PDE4DIP: variants seen among roughly 807,000 people sequenced by gnomAD.
The protein encoded by PDE4DIP is phosphodiesterase 4D interacting protein.
A neutral mutation model predicts 221.4 loss-of-function variants in PDE4DIP; 59 were observed. The ratio of observed to expected loss-of-function variants is 0.27; its 90% confidence interval spans 0.22 to 0.33. The LOEUF is 0.33. Ranked by LOEUF, PDE4DIP falls within the 10% of genes least tolerant of loss-of-function variation. The pLI is 1.00. For synonymous variants in PDE4DIP, 404 were observed against 815.9 expected (o/e 0.50, Z 8.60); for missense variants, 1,036 against 2,154.2 (o/e 0.48, Z 10.28).
At chr1:149,022,984 G>A (rs1411029984) in intron 37 of PDE4DIP, among the ~76,000 whole-genome samples, 2 of 152,294 alleles carry the variant, frequency 1.3e-5, no homozygotes, top group Non-Finnish European at 2.9e-5. Context: ...AATTTAGTGA[G>A]AAGTTGGGTT....
At position 149,030,181 on chromosome 1, in the gene PDE4DIP, G is replaced by T; in HGVS notation, c.6953-51G>T. 5 of 1,343,206 alleles carry T rather than the reference G, an allele frequency of 3.7e-6. No individual in the cohort carries two copies. In the South Asian group the frequency reaches 3.8e-5, roughly 10 times the overall value. 83.2% of individuals were successfully genotyped at this position (1,343,206 alleles called of 1,614,324 possible). A position where few individuals can be genotyped will look rare whatever the true frequency, so the allele number is the denominator to read the frequency against. Reference sequence around the variant, plus strand: ...AGAATTCTCATGCTAAGCAAGTAGGGTTAATTTCTGCTGGTGGTTTCTACT... The same window carrying T: ...AGAATTCTCATGCTAAGCAAGTAGGTTTAATTTCTGCTGGTGGTTTCTACT... On this transcript the variant is annotated intron_variant, in intron 42 of 43. Transcript: ENST00000369354.
exon 44 of PDE4DIP, chr1:149,032,343 C>G (rs2076945876): frequency 1.8e-6 from 1 of 558,078 alleles, no homozygotes; most frequent in Admixed American, 3.1e-5. Context: ...ATCAGCTGTC[C>G]TGAGATGGAA....
At chr1:148,919,452 A>G (rs1573398094) in intron 1 of PDE4DIP, among the ~76,000 whole-genome samples, 2 of 151,222 alleles carry the variant, frequency 1.3e-5, no homozygotes, top group East Asian at 1.9e-4. Context: ...AAAAGAATTC[A>G]CTTGGAAACT....
chr1:149,028,187 C>T lies in PDE4DIP; in HGVS notation c.6670-373C>T, dbSNP rs587744230. ...CAGCCCTGCCTCCACGGAGCCCCCA[C>T]ACTAGAGGGCAAGACACACACCCAA... is the stretch of plus-strand genomic sequence containing the variant. On this transcript the variant is annotated intron_variant, in intron 40 of 43. Transcript: ENST00000369354. 5.0e-3 allele frequency among the ~76,000 whole-genome samples: 764 copies of T among 151,822 alleles called. 12 individuals carry two copies. The highest frequency in any genetic ancestry group is 3.1e-3 in the Admixed American group (47 of 15,268).
exon 19 of PDE4DIP, chr1:148,978,393 T>C: frequency 6.2e-7 from 1 of 1,608,070 alleles, no homozygotes; most frequent in Non-Finnish European, 8.5e-7. Flanking sequence ...GGTCAAGAAA[T>C]TTCAGGAAAC....
At chr1:148,969,495 C>T (rs1322360044) in intron 14 of PDE4DIP, among the ~76,000 whole-genome samples, 6 of 151,466 alleles carry the variant, frequency 4.0e-5, no homozygotes, top group South Asian at 2.1e-4. Context: ...GTGAGTGTTT[C>T]GATTTTGATT....
At chr1:148,914,984 CTTAA>C (rs1290080521) in intron 1 of PDE4DIP, among the ~76,000 whole-genome samples, 15 of 144,246 alleles carry the variant, frequency 1.0e-4, no homozygotes, top group Non-Finnish European at 2.1e-4. Flanking sequence ...GGGAATAGGA[CTTAA>C]TTAATACATA....
At chr1:148,933,110 C>T (rs1268736519) in intron 4 of PDE4DIP, among the ~76,000 whole-genome samples, 1 of 152,156 alleles carries the variant, frequency 6.6e-6, no homozygotes, top group African/African-American at 2.4e-5. Flanking sequence ...TTTGTTATAG[C>T]AGCCCAAAAA....
At chr1:149,005,531 G>A in intron 27 of PDE4DIP, 94 bp downstream of exon 30, 1 of 1,024,980 alleles carries the variant, frequency 9.8e-7, no homozygotes, top group Non-Finnish European at 1.5e-6. Flanking sequence ...GAAAGAACAT[G>A]TCTGGGTATT....
intron 1 of PDE4DIP, among the ~76,000 whole-genome samples, chr1:148,901,948 A>G (rs1393029710): frequency 3.5e-5 from 4 of 115,608 alleles, no homozygotes; most frequent in Non-Finnish European, 6.8e-5. Context: ...AATTTGAGAC[A>G]GGTCTCAGTA....
rs1553635054 is a variant in PDE4DIP at position 149,029,945 on chromosome 1, A to G, written c.6952+20A>G. On this transcript the variant is annotated intron_variant, in intron 42 of 43. Coordinates refer to ENST00000369354, the Ensembl canonical transcript of PDE4DIP. ...GCCAGCGTAGGTTCCCTGAGAGGGA[A>G]TGGGGGAAGAAACAGGCAGTCTTCC... The G allele has an allele frequency of 7.5e-6, 9 of 1,201,002 alleles. No individual in the cohort carries two copies. The highest frequency in any genetic ancestry group is 1.1e-5 in the Non-Finnish European group (9 of 833,256). The allele number at this position is 1,201,002 out of a possible 1,614,324, so 74.4% of individuals were successfully genotyped here. A position where few individuals can be genotyped will look rare whatever the true frequency, so the allele number is the denominator to read the frequency against.
chr1:148,977,837 T>A (rs2060476509), intron 17 of PDE4DIP, 100 bp from the exon 21 acceptor site: 4 of 1,532,818 alleles, frequency 2.6e-6, no homozygotes, highest in Non-Finnish European at 3.5e-6. Flanking sequence ...CATGTTCTCA[T>A]TTTCTTTTCC....
chr1:149,006,490 G>C (rs2067081582), intron 27 of PDE4DIP: 1 of 152,154 alleles, frequency 6.6e-6, no homozygotes, highest in Non-Finnish European at 1.5e-5. Context: ...AAGAAATTCA[G>C]GCATCAGGTG....
exon 42 of PDE4DIP, chr1:149,029,865 G>A (rs2152815553): frequency 2.5e-6 from 4 of 1,606,456 alleles, no homozygotes; most frequent in Non-Finnish European, 3.4e-6. Flanking sequence ...GAGCACAACT[G>A]AGCATCTGAA....
At chr1:148,948,608 T>C (rs2052380132) in intron 5 of PDE4DIP, among the ~76,000 whole-genome samples, 1 of 152,106 alleles carries the variant, frequency 6.6e-6, no homozygotes, top group South Asian at 2.1e-4. Flanking sequence ...GGTGACTTTC[T>C]ACCAAAGAAA....
chr1:149,000,066 CT>C (rs1553572873), intron 23 of PDE4DIP, among the ~76,000 whole-genome samples: 1 of 151,954 alleles, frequency 6.6e-6, no homozygotes, highest in Non-Finnish European at 1.5e-5. Flanking sequence ...GAGAAACTAT[CT>C]CACAGATTGT....
At chr1:148,977,866 T>G in intron 17 of PDE4DIP, 71 bp from the exon 21 acceptor site, 1 of 1,584,968 alleles carries the variant, frequency 6.3e-7, no homozygotes, top group South Asian at 1.2e-5. Flanking sequence ...CTGATAGTAA[T>G]AGGATATGCA....
intron 1 of PDE4DIP, among the ~76,000 whole-genome samples, chr1:148,827,621 T>C: frequency 9.0e-6 from 1 of 111,340 alleles, no homozygotes; most frequent in Admixed American, 9.5e-5. Flanking sequence ...GAGATACACA[T>C]TAAATATTTA....
chr1:149,012,995 G>A (rs1244234201), intron 32 of PDE4DIP, among the ~76,000 whole-genome samples: 2 of 151,872 alleles, frequency 1.3e-5, no homozygotes, highest in African/African-American at 4.8e-5. Context: ...ATGTTCACGA[G>A]GCTCTAGACC....
Sources: gnomAD v4.1 joint callset for allele counts (sites outside exome capture counted in the v4.1 genomes callset) on GRCh38, gnomAD v4.1.1 for gene constraint, MANE v1.5 for transcripts, NCBI Gene and HGNC (gene_info 2026-07-23, HGNC 2026-07-21) for gene names.